Variants in SLC7A6 observed in about 807,000 individuals in gnomAD.
SLC7A6 encodes the protein solute carrier family 7 member 6.
Under a neutral mutation model 46.6 loss-of-function variants are expected in SLC7A6, and 29 were observed. The observed-to-expected ratio is 0.62, with a 90% CI of 0.46 to 0.85. The LOEUF (loss-of-function observed/expected upper bound fraction) is 0.85. Among genes scored for constraint, SLC7A6 ranks in the 40% least tolerant of loss-of-function variants. The probability of loss-of-function intolerance (pLI) is 0.00; values close to 1 mark genes in which losing one functional copy is unlikely to be tolerated. For missense variants in SLC7A6, 527 were observed against 647.6 expected (o/e 0.81, Z 2.02); for synonymous variants, 276 against 257.3 (o/e 1.07, Z -0.70).
intron 3 of SLC7A6, among the ~76,000 whole-genome samples, chr16:68,276,913 T>C (rs747241642): frequency 8.6e-5 from 13 of 151,736 alleles, no homozygotes; most frequent in Non-Finnish European, 1.8e-4. Context: ...GAGGATCTCT[T>C]GAGCCCGGGA....
chr16:68,292,765 T>C (rs1212168601), intron 7 of SLC7A6: 1 of 152,244 alleles, frequency 6.6e-6, no homozygotes, highest in East Asian at 1.9e-4. Context: ...AATATTCTTA[T>C]TAAGGCGATC....
rs2042692220 is a variant in SLC7A6, at chr16:68,275,360, C to T, written c.523+111C>T. On this transcript the variant is annotated intron_variant, in intron 3 of 10. Coordinates refer to ENST00000219343, the MANE Select transcript of SLC7A6 (RefSeq NM_003983.6). ...CCTATAATCCCAGCACTTTGGGAGGCTGAGGCGGGCGGATCACCTGAGGTT... is the reference window on the plus strand; with the variant it reads ...CCTATAATCCCAGCACTTTGGGAGGTTGAGGCGGGCGGATCACCTGAGGTT... 4.4e-6 allele frequency: 6 copies of T among 1,353,178 alleles called. No individual in the cohort carries two copies. The South Asian group carries it at 6.8e-5, about 15-fold the overall frequency. 83.8% of individuals were successfully genotyped at this position (1,353,178 alleles called of 1,614,324 possible).
At chr16:68,277,062 G>C (rs1302658453) in intron 3 of SLC7A6, among the ~76,000 whole-genome samples, 1 of 151,520 alleles carries the variant, frequency 6.6e-6, no homozygotes, top group Non-Finnish European at 1.5e-5. Context: ...TTACTCTTAA[G>C]TCATCCAAAA....
In SLC7A6 at chr16:68,296,376, C is replaced by G. The variant is rs1357330522; in HGVS notation, c.1132C>G (p.Leu378Val). Residue 378 changes from leucine to valine, a missense_variant, in exon 9 of 11, where the codon CTC (leucine) becomes GTC (valine). Physicochemically the swap from Leu to Val is conservative, Grantham distance 32 (BLOSUM62 1). Coordinates refer to ENST00000219343, the MANE Select transcript of SLC7A6 (RefSeq NM_003983.6). ...PALLFNCTMA[L>V]IYLIVEDVFQ... ...CCCTTTCCCACAGTGCACCATGGCA[C>G]TCATCTACCTCATCGTGGAGGATGT... 2 of 1,613,908 alleles carry G rather than the reference C, an allele frequency of 1.2e-6. No homozygotes were observed. The highest frequency in any genetic ancestry group is 2.7e-5 in the African/African-American group (2 of 74,920).
rs185419854 is a variant in SLC7A6, at chr16:68,301,455, C to T, written c.*4127C>T. On this transcript the variant is annotated 3_prime_UTR_variant, in exon 11 of 11. Coordinates refer to ENST00000219343, the MANE Select transcript of SLC7A6 (RefSeq NM_003983.6). ...TTCTAAATGTGATTTTCCTAGGCTA[C>T]TGCAGGAGCCCCTTCTCTTCTCAGA... The T allele has an allele frequency of 1.0e-4, 161 of 1,546,550 alleles. 1 individual carries two copies. In the Middle Eastern group the frequency reaches 2.0e-3, roughly 20 times the overall value.
At position 68,297,638 on chromosome 16, in the gene SLC7A6, G is replaced by A; in HGVS notation, c.*310G>A. On this transcript the variant is annotated 3_prime_UTR_variant, in exon 11 of 11. Coordinates refer to ENST00000219343, the MANE Select transcript of SLC7A6 (RefSeq NM_003983.6). Reference sequence around the variant, plus strand: ...CTTGGTAAAGTGCAGTGGGGAAGAGGGAATGCTAGGTTGATAGGGCTGGTG... The same window carrying A: ...CTTGGTAAAGTGCAGTGGGGAAGAGAGAATGCTAGGTTGATAGGGCTGGTG... The A allele has an allele frequency of 4.1e-6, 1 of 244,440 alleles. No individual in the cohort carries two copies. The highest frequency in any genetic ancestry group is 7.9e-6 in the Non-Finnish European group (1 of 126,530). The allele number at this position is 244,440 out of a possible 1,614,324, so 15.1% of individuals were successfully genotyped here.
intron 3 of SLC7A6, 29 bp downstream of exon 3, chr16:68,275,278 TTGGGGGG>T: frequency 1.2e-5 from 17 of 1,387,358 alleles, no homozygotes; most frequent in Non-Finnish European, 1.7e-5. Context: ...TGGGAGGATG[TTGGGGGG>T]TGGGGGGTAC....
chr16:68,291,058 G>C lies in SLC7A6; in HGVS notation c.795-151G>C. ...AAAGTTGGGTCTTTCTCAATAGAAA[G>C]AACCCAGGGTCAAGGGGAAGGTGAG... On this transcript the variant is annotated intron_variant, in intron 5 of 10. Coordinates refer to ENST00000219343, the MANE Select transcript of SLC7A6 (RefSeq NM_003983.6). 4.4e-6 allele frequency: 4 copies of C among 912,746 alleles called. No homozygotes were observed. The South Asian group carries it at 5.8e-5, about 13-fold the overall frequency. The allele number at this position is 912,746 out of a possible 1,614,324, so 56.5% of individuals were successfully genotyped here. A position where few individuals can be genotyped will look rare whatever the true frequency, so the allele number is the denominator to read the frequency against.
At chr16:68,274,228 C>T in intron 2 of SLC7A6, among the ~76,000 whole-genome samples, 1 of 152,298 alleles carries the variant, frequency 6.6e-6, no homozygotes, top group African/African-American at 2.4e-5. Flanking sequence ...TCCCAGTTTA[C>T]ATTGGGTAGA....
At chr16:68,291,800 TTTGG>T in intron 7 of SLC7A6, 139 bp downstream of exon 7, 1 of 706,412 alleles carries the variant, frequency 1.4e-6, no homozygotes, top group Admixed American at 2.6e-5. Context: ...TGTGTGTGTG[TTTGG>T]TATGTGGGCA....
chr16:68,271,092 C>T (rs2151214553), intron 2 of SLC7A6, among the ~76,000 whole-genome samples: 1 of 152,220 alleles, frequency 6.6e-6, no homozygotes, highest in South Asian at 2.1e-4. Flanking sequence ...TCAAGCAATC[C>T]TCTTGCCTCA....
chr16:68,289,610 T>G (rs1467578664), intron 4 of SLC7A6, among the ~76,000 whole-genome samples: 1 of 152,178 alleles, frequency 6.6e-6, no homozygotes, highest in Non-Finnish European at 1.5e-5. Flanking sequence ...ACAATGGGCT[T>G]CCTTAGAAGT....
intron 2 of SLC7A6, among the ~76,000 whole-genome samples, chr16:68,269,905 C>T (rs1567581068): frequency 6.6e-6 from 1 of 152,064 alleles, no homozygotes; most frequent in Non-Finnish European, 1.5e-5. Context: ...ATAGCTGGGG[C>T]TATAGGCGTG....
rs181995623 is a variant in SLC7A6, at chr16:68,296,781, G to A, written c.1424G>A (p.Arg475Gln). Residue 475 changes from arginine to glutamine, a missense_variant, in exon 10 of 11, where the codon CGG becomes CAG. Coordinates refer to ENST00000219343, the MANE Select transcript of SLC7A6 (RefSeq NM_003983.6). ...YFMGVYLPES[R>Q]RPLFIRNVLA... ...ATGGGTGTTTACCTGCCAGAGTCCC[G>A]GAGGCCATTGTTTATTCGGAATGTC... 197 of 1,614,052 alleles carry A rather than the reference G, an allele frequency of 1.2e-4. 1 individual carries two copies. In the East Asian group the frequency reaches 3.3e-3, roughly 27 times the overall value.
intron 3 of SLC7A6, chr16:68,287,222 T>C: frequency 1.2e-6 from 1 of 848,186 alleles, no homozygotes; most frequent in South Asian, 1.6e-5. Flanking sequence ...ACATGATCCA[T>C]CTGCCTCAGT....
chr16:68,301,239 G>A lies in SLC7A6; in HGVS notation c.*3911G>A. 6.2e-7 allele frequency: 1 copy of A among 1,603,622 alleles called. No individual in the cohort carries two copies. Among genetic ancestry groups the A allele is most frequent in the Non-Finnish European group, 8.5e-7 (1 of 1,173,446 alleles). On this transcript the variant is annotated 3_prime_UTR_variant, in exon 11 of 11. Coordinates refer to ENST00000219343, the MANE Select transcript of SLC7A6 (RefSeq NM_003983.6). ...TAACTCTGGACTCAGAGCCCTCAAG[G>A]GCATGTGGCAGAACCTCATGGACAT...
rs568017898 is a variant in SLC7A6 at position 68,296,503 on chromosome 16, G to A, written c.1259G>A (p.Arg420Gln). Residue 420 changes from arginine to glutamine, a missense_variant, in exon 9 of 11, where the codon CGG becomes CAG. Coordinates refer to ENST00000219343, the MANE Select transcript of SLC7A6 (RefSeq NM_003983.6). ...CGCTGGAAGGAGCCCAAGCGGCCCCGGCCTCTCAAGGTCAGCAGCTCTGGC... is the reference window on the plus strand; with the variant it reads ...CGCTGGAAGGAGCCCAAGCGGCCCCAGCCTCTCAAGGTCAGCAGCTCTGGC... ...YLRWKEPKRP[R>Q]PLKLSVFFPI... 6.8e-6 allele frequency: 11 copies of A among 1,614,146 alleles called. No homozygotes were observed. The highest frequency in any genetic ancestry group is 2.7e-5 in the African/African-American group (2 of 75,050).
rs1311011406 is a variant in SLC7A6 at position 68,287,815 on chromosome 16, C to G, written c.593C>G (p.Ala198Gly). 8 of 1,614,070 alleles carry G rather than the reference C, an allele frequency of 5.0e-6. No homozygotes were observed. The highest frequency in any genetic ancestry group is 6.8e-6 in the Non-Finnish European group (8 of 1,180,046). ...CGTGTGCAGGACACGTTCACTTACG[C>G]CAAGGTCGTAGCGCTCATTGCCATC... ...GTRVQDTFTY[A>G]KVVALIAIIV... The change falls in exon 4 of 11, where the codon GCC becomes GGC. Residue 198 changes from alanine to glycine, a missense_variant. By Grantham distance (60) the Ala-to-Gly change is moderately conservative (BLOSUM62 0). Coordinates refer to ENST00000219343, the MANE Select transcript of SLC7A6 (RefSeq NM_003983.6).
At chr16:68,284,709 GCA>G (rs2042891923) in intron 3 of SLC7A6, 2 of 853,386 alleles carry the variant, frequency 2.3e-6, no homozygotes, top group Admixed American at 6.2e-5. Context: ...CAAACCAGAA[GCA>G]CAGTTAGCAC....
Sources: allele counts gnomAD v4.1 joint callset (sites outside exome capture counted in the v4.1 genomes callset), GRCh38; gene constraint gnomAD v4.1.1; transcripts MANE v1.5; gene names NCBI Gene and HGNC (gene_info 2026-07-23, HGNC 2026-07-21).